Variants in AGO2 observed in about 807,000 individuals in gnomAD.
AGO2 encodes the protein protein argonaute-2.
A neutral mutation model predicts 102.3 loss-of-function variants in AGO2; 5 were observed. The observed-to-expected ratio is 0.05, with a 90% CI of 0.03 to 0.10. The LOEUF is 0.10. AGO2 is among the 10% of genes least tolerant of loss of function. AGO2 has a pLI of 1.00. For synonymous variants in AGO2, 449 were observed against 473.1 expected (o/e 0.95, Z 0.66); for missense variants, 541 against 1,183.7 (o/e 0.46, Z 7.97).
At chr8:140,554,713 G>A (rs1327493872) in intron 10 of AGO2, among the ~76,000 whole-genome samples, 2 of 151,912 alleles carry the variant, frequency 1.3e-5, no homozygotes, top group Non-Finnish European at 2.9e-5. Context: ...TATTTTTTGA[G>A]ACAAGTCTTG....
intron 1 of AGO2, among the ~76,000 whole-genome samples, chr8:140,624,825 G>A (rs2074255468): frequency 6.6e-6 from 1 of 152,218 alleles, no homozygotes; most frequent in African/African-American, 2.4e-5. Context: ...GATGCCACTG[G>A]GATCTGCAAT....
chr8:140,586,531 C>T (rs1325434628), intron 1 of AGO2, among the ~76,000 whole-genome samples: 2 of 152,134 alleles, frequency 1.3e-5, no homozygotes, highest in Non-Finnish European at 2.9e-5. Context: ...CCTCAAGCAG[C>T]ACCCATGCTG....
intron 3 of AGO2, among the ~76,000 whole-genome samples, chr8:140,565,225 A>G (rs1653628222): frequency 6.6e-6 from 1 of 152,090 alleles, no homozygotes; most frequent in Non-Finnish European, 1.5e-5. Context: ...GGATCACGAG[A>G]TCAGGAGATC....
At chr8:140,622,289 CACATGGGGTCTCCTCTTGGG>C in intron 1 of AGO2, among the ~76,000 whole-genome samples, 1 of 130,786 alleles carries the variant, frequency 7.6e-6, no homozygotes, top group South Asian at 2.6e-4. Context: ...GGGAATAATG[CACATGGGGTCTCCTCTTGGG>C]GGAATAATGC....
At chr8:140,635,945 C>G (rs1489700858), upstream of AGO2, among the ~76,000 whole-genome samples, 1 of 150,140 alleles carries the variant, frequency 6.7e-6, no homozygotes, top group East Asian at 2.0e-4. Flanking sequence ...CGGGCGCGGC[C>G]CCGGGGACCC....
At chr8:140,613,234 AAC>A (rs1020668914) in intron 1 of AGO2, among the ~76,000 whole-genome samples, 19 of 152,120 alleles carry the variant, frequency 1.2e-4, no homozygotes, top group African/African-American at 4.3e-4. Flanking sequence ...AAAAAACCCC[AAC>A]ATATCCCTGT....
At chr8:140,628,385 ACG>A (rs2074301191) in intron 1 of AGO2, among the ~76,000 whole-genome samples, 8 of 152,170 alleles carry the variant, frequency 5.3e-5, no homozygotes, top group Admixed American at 3.3e-4. Context: ...AGCTGCAGGC[ACG>A]TGTGTGTGTG....
chr8:140,638,635 C>G (rs1054494325), upstream of AGO2, among the ~76,000 whole-genome samples: 1 of 152,170 alleles, frequency 6.6e-6, no homozygotes, highest in African/African-American at 2.4e-5. Flanking sequence ...AGTGTAGTGG[C>G]GAAAACACAG....
intron 16 of AGO2, among the ~76,000 whole-genome samples, chr8:140,538,650 A>G (rs1014631758): frequency 6.6e-6 from 1 of 152,168 alleles, no homozygotes; most frequent in African/African-American, 2.4e-5. Flanking sequence ...ACCTGCCGGG[A>G]GGGTCCGAGT....
At chr8:140,575,904 GGATA>G (rs1012231391) in intron 2 of AGO2, among the ~76,000 whole-genome samples, 3 of 152,032 alleles carry the variant, frequency 2.0e-5, no homozygotes, top group Non-Finnish European at 4.4e-5. Flanking sequence ...CTAAAACTTG[GGATA>G]GACAAAAATT....
chr8:140,548,533 G>C (rs2977479), intron 12 of AGO2, among the ~76,000 whole-genome samples: 94,596 of 151,918 alleles, frequency 0.62, 30,772 homozygotes, highest in African/African-American at 0.82. Context: ...CTGGGCAGGT[G>C]TGGGGAAATG....
At chr8:140,583,001 G>A (rs777281530) in intron 2 of AGO2, among the ~76,000 whole-genome samples, 2 of 152,226 alleles carry the variant, frequency 1.3e-5, no homozygotes, top group African/African-American at 2.4e-5. Flanking sequence ...GAGACTGCGT[G>A]TTAGTCAGGG....
chr8:140,597,949 G>A (rs2073872897), intron 1 of AGO2, among the ~76,000 whole-genome samples: 1 of 152,248 alleles, frequency 6.6e-6, no homozygotes, highest in Admixed American at 6.5e-5. Context: ...GGGCCTCACA[G>A]TAGATGCCAG....
chr8:140,611,109 C>T (rs768605852), intron 1 of AGO2, among the ~76,000 whole-genome samples: 2 of 152,104 alleles, frequency 1.3e-5, no homozygotes, highest in African/African-American at 2.4e-5. Context: ...AGGGCCAGAG[C>T]GGCTTGTGTT....
chr8:140,559,286 C>T (rs1314638739), intron 6 of AGO2, 109 bp downstream of exon 6: 3 of 1,402,072 alleles, frequency 2.1e-6, no homozygotes, highest in African/African-American at 2.9e-5. Context: ...TCTGCCACCC[C>T]CACCTCCCCA....
At chr8:140,621,917 C>G (rs578255087) in intron 1 of AGO2, among the ~76,000 whole-genome samples, 31 of 152,268 alleles carry the variant, frequency 2.0e-4, no homozygotes, top group Middle Eastern at 3.4e-3. Context: ...GACCATCTCA[C>G]CTAGCCCATG....
At chr8:140,599,548 C>T (rs545024902) in intron 1 of AGO2, among the ~76,000 whole-genome samples, 25 of 152,242 alleles carry the variant, frequency 1.6e-4, no homozygotes, top group African/African-American at 5.5e-4. Flanking sequence ...CCCAGGTTTG[C>T]GTTTTGAATT....
intron 1 of AGO2, among the ~76,000 whole-genome samples, chr8:140,594,554 G>A (rs1171748031): frequency 3.9e-5 from 6 of 152,018 alleles, no homozygotes; most frequent in Non-Finnish European, 7.4e-5. Flanking sequence ...TTGGGAGGCC[G>A]GGGCAGGTGG....
chr8:140,552,752 A>G (rs201827734), intron 10 of AGO2, among the ~76,000 whole-genome samples: 1,089 of 27,188 alleles, frequency 0.04, 12 homozygotes, highest in African/African-American at 0.25. Context: ...ACACACACAC[A>G]CACACACACA....
Sources: allele counts gnomAD v4.1 joint callset (sites outside exome capture counted in the v4.1 genomes callset), GRCh38; gene constraint gnomAD v4.1.1; transcripts MANE v1.5; gene names NCBI Gene and HGNC (gene_info 2026-07-23, HGNC 2026-07-21).